The following HIVEP3 variants were observed in gnomAD, a reference collection of about 807,000 sequenced individuals.
The protein encoded by HIVEP3 is HIVEP zinc finger 3, also known as transcription factor HIVEP3.
Under a neutral mutation model 152.8 loss-of-function variants are expected in HIVEP3, and 49 were observed. The observed-to-expected ratio is 0.32, with a 90% CI of 0.26 to 0.41. The LOEUF (loss-of-function observed/expected upper bound fraction) is 0.41, where lower values mean the gene tolerates loss of function less well. Ranked by LOEUF, HIVEP3 falls within the 10% of genes least tolerant of loss-of-function variation. The pLI is 1.00. For missense variants in HIVEP3, 2,790 were observed against 3,103.3 expected (o/e 0.90, Z 2.40); for synonymous variants, 1,269 against 1,289.0 (o/e 0.98, Z 0.33).
intron 1 of HIVEP3, among the ~76,000 whole-genome samples, chr1:41,739,626 G>A (rs983003648): frequency 3.3e-5 from 5 of 152,006 alleles, no homozygotes; most frequent in Admixed American, 1.3e-4. Context: ...TTCCTCAGGC[G>A]CTCCTTCCAC....
At chr1:41,736,388 T>A (rs1646920025) in intron 1 of HIVEP3, among the ~76,000 whole-genome samples, 1 of 151,922 alleles carries the variant, frequency 6.6e-6, no homozygotes, top group Non-Finnish European at 1.5e-5. Context: ...GTGGAAGGGG[T>A]TGAGGGGCCA....
intron 1 of HIVEP3, among the ~76,000 whole-genome samples, chr1:41,768,407 A>G (rs927978753): frequency 1.5e-4 from 23 of 152,218 alleles, no homozygotes; most frequent in Admixed American, 1.0e-3. Context: ...CCCATGACAC[A>G]TGGGAATTGT....
At chr1:41,557,794 A>G (rs1434397851) in intron 5 of HIVEP3, among the ~76,000 whole-genome samples, 2 of 152,176 alleles carry the variant, frequency 1.3e-5, no homozygotes, top group East Asian at 1.9e-4. Flanking sequence ...AATAAAGGAC[A>G]AAGAGTAAGA....
intron 2 of HIVEP3, among the ~76,000 whole-genome samples, chr1:41,677,253 A>G (rs1645971170): frequency 6.6e-6 from 1 of 152,262 alleles, no homozygotes; most frequent in African/African-American, 2.4e-5. Flanking sequence ...ATGAGCATGC[A>G]CTGAGAGCCA....
chr1:41,609,147 A>G (rs1195557697), intron 3 of HIVEP3, among the ~76,000 whole-genome samples: 1 of 152,168 alleles, frequency 6.6e-6, no homozygotes, highest in Non-Finnish European at 1.5e-5. Flanking sequence ...GGACTTAGGA[A>G]ATCAATGCAT....
intron 2 of HIVEP3, among the ~76,000 whole-genome samples, chr1:41,645,562 T>C (rs1391433689): frequency 1.3e-5 from 2 of 152,146 alleles, no homozygotes; most frequent in Non-Finnish European, 2.9e-5. Flanking sequence ...CTTCTGGCCA[T>C]CCCCTGCATA....
chr1:41,534,375 AT>A (rs2149064845), intron 5 of HIVEP3, among the ~76,000 whole-genome samples: 1 of 147,928 alleles, frequency 6.8e-6, no homozygotes, highest in African/African-American at 2.5e-5. Flanking sequence ...CCCTCCAGCC[AT>A]GCCAAAGGTC....
At chr1:41,592,201 C>T (rs940786286) in intron 3 of HIVEP3, among the ~76,000 whole-genome samples, 5 of 152,138 alleles carry the variant, frequency 3.3e-5, no homozygotes, top group Non-Finnish European at 7.4e-5. Context: ...GATCAGGAGG[C>T]CTGGAGTCAC....
chr1:41,573,133 T>C (rs958368068), intron 5 of HIVEP3, among the ~76,000 whole-genome samples: 1 of 152,106 alleles, frequency 6.6e-6, no homozygotes, highest in African/African-American at 2.4e-5. Flanking sequence ...GAAATACATA[T>C]GTTTGTTGTA....
chr1:41,783,330 T>C (rs1342891392), intron 1 of HIVEP3, among the ~76,000 whole-genome samples: 2 of 152,112 alleles, frequency 1.3e-5, no homozygotes, highest in Non-Finnish European at 1.5e-5. Context: ...AGCCACACGC[T>C]TCGGAAGGAT....
chr1:41,920,019 C>T (rs1644927966), upstream of HIVEP3, among the ~76,000 whole-genome samples: 1 of 152,210 alleles, frequency 6.6e-6, no homozygotes, highest in Non-Finnish European at 1.5e-5. Context: ...CATTCCCTCC[C>T]TTGCCTAGTC....
intron 1 of HIVEP3, among the ~76,000 whole-genome samples, chr1:41,940,760 T>C (rs1408310496): frequency 1.3e-5 from 2 of 151,302 alleles, no homozygotes; most frequent in Admixed American, 1.3e-4. Context: ...GAGAGAAGAT[T>C]TGAGAAGGTG....
intron 1 of HIVEP3, among the ~76,000 whole-genome samples, chr1:41,929,622 A>G (rs1379798955): frequency 2.6e-5 from 4 of 151,708 alleles, no homozygotes; most frequent in Non-Finnish European, 5.9e-5. Context: ...AGGCCATCTC[A>G]GTAGACAGAG....
intron 1 of HIVEP3, among the ~76,000 whole-genome samples, chr1:41,747,172 G>A (rs1453834871): frequency 1.3e-5 from 2 of 152,238 alleles, no homozygotes; most frequent in African/African-American, 4.8e-5. Flanking sequence ...AGGGTAAGAA[G>A]CTAAGTGCCA....
rs1034842546 is a variant in HIVEP3, at chr1:41,533,738, C to T, written c.5208-8828G>A. 3.3e-5 allele frequency among the ~76,000 whole-genome samples: 5 copies of T among 152,006 alleles called. No individual in the cohort carries two copies. The highest frequency in any genetic ancestry group is 1.3e-4 in the Admixed American group (2 of 15,280). On this transcript the variant is annotated intron_variant, in intron 5 of 8. Transcript: ENST00000372583. This position sits in a 1 kb window ranked among gnomAD's most constrained non-coding sequence, Gnocchi z 4.3. ...CCCCTGCCAGCCTCCGACCTGCACT[C>T]TTCTCACCACACACCTTCCCCAGGT...
intron 1 of HIVEP3, among the ~76,000 whole-genome samples, chr1:41,810,510 C>CTAAG (rs1400904629): frequency 6.6e-6 from 1 of 152,218 alleles, no homozygotes; most frequent in East Asian, 1.9e-4. Context: ...GGACCTCCAT[C>CTAAG]TAAGAGGAGA....
At chr1:41,826,661 G>C (rs1218785630) in intron 1 of HIVEP3, among the ~76,000 whole-genome samples, 1 of 152,234 alleles carries the variant, frequency 6.6e-6, no homozygotes, top group African/African-American at 2.4e-5. Flanking sequence ...TTGAAGCAAG[G>C]AGGAGGTTTT....
intron 1 of HIVEP3, among the ~76,000 whole-genome samples, chr1:41,782,656 G>C (rs1048035790): frequency 5.3e-5 from 8 of 151,390 alleles, no homozygotes; most frequent in African/African-American, 1.9e-4. Context: ...CACTTGAACC[G>C]GGGAGGTGGA....
chr1:41,648,108 G>A (rs1454211208), intron 2 of HIVEP3, among the ~76,000 whole-genome samples: 1 of 152,228 alleles, frequency 6.6e-6, no homozygotes, highest in East Asian at 1.9e-4. Flanking sequence ...CTCACCCACT[G>A]CAGGGGCTGA....
Sources: gnomAD v4.1 joint callset for allele counts (sites outside exome capture counted in the v4.1 genomes callset) on GRCh38, gnomAD v4.1.1 for gene constraint, Gnocchi (gnomAD v3.1) non-coding constraint, MANE v1.5 for transcripts, NCBI Gene and HGNC (gene_info 2026-07-23, HGNC 2026-07-21) for gene names.